HERC6: variants seen among roughly 807,000 people sequenced by gnomAD.
HERC6 encodes the protein probable E3 ubiquitin-protein ligase HERC6.
HERC6 carries 101 observed loss-of-function variants against 114.5 expected under a neutral mutation model. The observed-to-expected ratio is 0.88, with a 90% CI of 0.75 to 1.04. The LOEUF (loss-of-function observed/expected upper bound fraction) is 1.04, where lower values mean the gene tolerates loss of function less well. Among genes scored for constraint, HERC6 ranks in the 50% least tolerant of loss-of-function variants. HERC6 has a pLI of 0.00. For synonymous variants in HERC6, 408 were observed against 436.2 expected (o/e 0.94, Z 0.81); for missense variants, 1,133 against 1,230.9 (o/e 0.92, Z 1.19).
Position 88,440,228 on chromosome 4 carries a change from G to A in HERC6, c.2820G>A (p.Leu940=). The A allele has an allele frequency of 6.3e-7, 1 of 1,593,906 alleles. No individual in the cohort carries two copies. Among genetic ancestry groups the A allele is most frequent in the Non-Finnish European group, 8.6e-7 (1 of 1,166,928 alleles). ...LFWKAFHKLT[L]DEKKKFLFFL... Reference sequence around the variant, plus strand: ...GGAAGGCTTTCCACAAACTAACCTTGGATGAAAAGAAAAAATTCCTCTGTA... The same window carrying A: ...GGAAGGCTTTCCACAAACTAACCTTAGATGAAAAGAAAAAATTCCTCTGTA... The change falls in exon 22 of 23, where the codon TTG becomes TTA. Residue 940 remains leucine (L), a synonymous_variant. Transcript: ENST00000264346.
At chr4:88,424,117 CT>C (rs558387732) in intron 14 of HERC6, 144 bp downstream of exon 14, 128 of 550,560 alleles carry the variant, frequency 2.3e-4, no homozygotes, top group Middle Eastern at 1.1e-3. Context: ...TTGATGATCA[CT>C]GAAAACTTAA....
chr4:88,428,571 T>A lies in HERC6; in HGVS notation c.1936-9T>A. ...AAGGAGAAGCCAACTAAAAAATTTA[T>A]TTTTCCAGATGTCAGAAAAGAAAGC... On this transcript the variant is annotated splice_polypyrimidine_tract_variant and intron_variant, in intron 15 of 22. Transcript: ENST00000264346. 2 of 1,567,020 alleles carry A rather than the reference T, an allele frequency of 1.3e-6. No homozygotes were observed. Among genetic ancestry groups the A allele is most frequent in the African/African-American group, 2.8e-5 (2 of 72,650 alleles).
intron 8 of HERC6, among the ~76,000 whole-genome samples, chr4:88,402,509 A>C (rs1275651785): frequency 6.6e-6 from 1 of 152,184 alleles, no homozygotes; most frequent in Non-Finnish European, 1.5e-5. Flanking sequence ...ACCCTGATCC[A>C]GGGCATGTGT....
intron 20 of HERC6, among the ~76,000 whole-genome samples, chr4:88,439,649 GT>G (rs1312645958): frequency 3.3e-5 from 5 of 152,194 alleles, no homozygotes; most frequent in Non-Finnish European, 4.4e-5. Context: ...CCTGACTGCA[GT>G]GAGGAAAGTG....
chr4:88,436,393 G>A (rs190275872), intron 18 of HERC6, among the ~76,000 whole-genome samples: 3 of 152,280 alleles, frequency 2.0e-5, no homozygotes, highest in Admixed American at 1.3e-4. Context: ...CTCTCTTCTC[G>A]TGTACTGTTA....
intron 10 of HERC6, among the ~76,000 whole-genome samples, chr4:88,406,403 G>C (rs540207831): frequency 6.6e-6 from 1 of 152,176 alleles, no homozygotes; most frequent in Non-Finnish European, 1.5e-5. Flanking sequence ...ATTACTTGCC[G>C]TTGTACAACC....
At chr4:88,420,322 T>C (rs73841940) in intron 13 of HERC6, among the ~76,000 whole-genome samples, 1,852 of 152,298 alleles carry the variant, frequency 0.012, 39 homozygotes, top group African/African-American at 0.042. Flanking sequence ...CCTTCAGTGT[T>C]ATTGTTAAAC....
At chr4:88,401,508 GAAAAGAA>G (rs1735543011) in intron 8 of HERC6, among the ~76,000 whole-genome samples, 1 of 147,594 alleles carries the variant, frequency 6.8e-6, no homozygotes, top group Non-Finnish European at 1.5e-5. Flanking sequence ...AAAAAAAAAA[GAAAAGAA>G]AAAAGAGAAA....
At position 88,383,198 on chromosome 4, in the gene HERC6, GTGTTT is replaced by G. The variant is rs771442579; in HGVS notation, c.200-12_200-8del. ...AATAATCTGCAGTGGTGGTTGGGGGGTGTTTTGTTTTGTTTCCCAAAGAACCAATT... is the reference window on the plus strand; with the variant it reads ...AATAATCTGCAGTGGTGGTTGGGGGGTGTTTTGTTTCCCAAAGAACCAATT... On this transcript the variant is annotated intron_variant, in intron 1 of 22. Transcript: ENST00000264346. 1.2e-6 allele frequency: 2 copies of G among 1,604,756 alleles called. No homozygotes were observed. The highest frequency in any genetic ancestry group is 1.1e-5 in the South Asian group (1 of 89,168).
intron 5 of HERC6, 45 bp downstream of exon 5, chr4:88,393,627 G>GT: frequency 8.3e-7 from 1 of 1,198,438 alleles, no homozygotes; most frequent in Non-Finnish European, 1.2e-6. Context: ...CAGAGAAATG[G>GT]TAACAAGATA....
At chr4:88,414,240 G>T (rs1013957074) in intron 12 of HERC6, among the ~76,000 whole-genome samples, 2 of 152,098 alleles carry the variant, frequency 1.3e-5, no homozygotes, top group Non-Finnish European at 2.9e-5. Flanking sequence ...GGAGACTAAG[G>T]TGAGAGAATC....
chr4:88,440,227 T>A lies in HERC6; in HGVS notation c.2819T>A (p.Leu940Ter). 3 of 1,595,834 alleles carry A rather than the reference T, an allele frequency of 1.9e-6. No homozygotes were observed. In the South Asian group the frequency reaches 3.4e-5, roughly 18 times the overall value. ...LFWKAFHKLT[L>*]DEKKKFLFFL... Reference sequence around the variant, plus strand: ...TGGAAGGCTTTCCACAAACTAACCTTGGATGAAAAGAAAAAATTCCTCTGT... The same window carrying A: ...TGGAAGGCTTTCCACAAACTAACCTAGGATGAAAAGAAAAAATTCCTCTGT... Residue 940 changes from leucine (L) to a stop codon, truncating the protein, a stop_gained, in exon 22 of 23, where the codon TTG (leucine) becomes TAG (stop). Coordinates refer to ENST00000264346, the MANE Select transcript of HERC6 (RefSeq NM_017912.4). LOFTEE classifies it low-confidence loss of function (END_TRUNC).
chr4:88,439,244 C>A (rs1301794028), intron 20 of HERC6, among the ~76,000 whole-genome samples: 2 of 152,008 alleles, frequency 1.3e-5, no homozygotes, highest in Non-Finnish European at 2.9e-5. Context: ...CACCATGGTG[C>A]ATACTTGCAG....
At chr4:88,386,481 C>T (rs544594549) in intron 3 of HERC6, among the ~76,000 whole-genome samples, 1 of 152,256 alleles carries the variant, frequency 6.6e-6, no homozygotes, top group Admixed American at 6.5e-5. Context: ...GCTAGGGTTA[C>T]AGGCGTGAGC....
chr4:88,414,235 C>T (rs1315852586), intron 12 of HERC6, among the ~76,000 whole-genome samples: 1 of 152,016 alleles, frequency 6.6e-6, no homozygotes, highest in Non-Finnish European at 1.5e-5. Context: ...TTTTGGGAGA[C>T]TAAGGTGAGA....
chr4:88,415,137 T>C (rs1181247410), intron 12 of HERC6, among the ~76,000 whole-genome samples: 1 of 152,178 alleles, frequency 6.6e-6, no homozygotes, highest in African/African-American at 2.4e-5. Context: ...TTGAAAGATA[T>C]TCTATATATA....
intron 8 of HERC6, among the ~76,000 whole-genome samples, chr4:88,400,519 A>T (rs1735477154): frequency 6.9e-6 from 1 of 144,026 alleles, no homozygotes; most frequent in East Asian, 1.9e-4. Flanking sequence ...TCTTATCTAC[A>T]GTTTTGCTTT....
Position 88,390,755 on chromosome 4 carries a change from G to A in HERC6, c.540G>A (p.Gly180=), listed in dbSNP as rs763607259. ...CGCAGAGGGTGAGGTCCCTGGAGGG[G>A]ATCCCACTGGCTCAGGTGGCTGCCG... The part of the protein sequence containing the change: ...ASPQRVRSLE[G]IPLAQVAAGG... Residue 180 remains glycine, a synonymous_variant, in exon 4 of 23, where the codon GGG becomes GGA. Coordinates refer to ENST00000264346, the MANE Select transcript of HERC6 (RefSeq NM_017912.4). 23 of 1,614,046 alleles carry A rather than the reference G, an allele frequency of 1.4e-5. No individual in the cohort carries two copies. The South Asian group carries it at 2.2e-4, about 15-fold the overall frequency.
At chr4:88,397,980 GA>G (rs1164338079) in intron 7 of HERC6, 161 bp from the exon 8 acceptor site, 1 of 541,512 alleles carries the variant, frequency 1.8e-6, no homozygotes, top group African/African-American at 2.0e-5. Flanking sequence ...AATATGATGG[GA>G]GGGAAAAAAA....
Sources: gnomAD v4.1 joint callset for allele counts (sites outside exome capture counted in the v4.1 genomes callset) on GRCh38, gnomAD v4.1.1 for gene constraint, MANE v1.5 for transcripts, NCBI Gene and HGNC (gene_info 2026-07-23, HGNC 2026-07-21) for gene names.